The following TFAM variants were observed in gnomAD, a reference collection of about 807,000 sequenced individuals.
TFAM encodes mitochondrial transcription factor 1.
Under a neutral mutation model 30.6 loss-of-function variants are expected in TFAM, and 13 were observed. The observed-to-expected ratio is 0.42, with a 90% CI of 0.28 to 0.67. The LOEUF (loss-of-function observed/expected upper bound fraction) is 0.67. Ranked by LOEUF, TFAM falls within the 30% of genes least tolerant of loss-of-function variation. The pLI, the probability that TFAM is intolerant of heterozygous loss-of-function variation, is 0.21. For synonymous variants in TFAM, 106 were observed against 94.8 expected, an observed-to-expected ratio of 1.12 and a Z score of -0.69; for missense variants, 231 against 293.7, an observed-to-expected ratio of 0.79 and a Z score of 1.56.
chr10:58,388,359 A>C (rs1000756200), intron 3 of TFAM, 99 bp downstream of exon 3: 3 of 1,031,598 alleles, frequency 2.9e-6, no homozygotes, highest in Non-Finnish European at 3.0e-6. Context: ...CTTTTTAAAA[A>C]ATAATCTGTT....
At position 58,385,434 on chromosome 10, in the gene TFAM, T is replaced by C. The variant is rs1023140186; in HGVS notation, c.-114T>C. ...CATAGTGCCTCGCTAGTGGCGGGCATGATAACACACGCCGGAGGGTCGCAC... is the reference window on the plus strand; with the variant it reads ...CATAGTGCCTCGCTAGTGGCGGGCACGATAACACACGCCGGAGGGTCGCAC... On this transcript the variant is annotated 5_prime_UTR_variant, in exon 1 of 7. The change abolishes an upstream ATG in the 5' untranslated region. Transcript: ENST00000487519. 6.5e-6 allele frequency: 5 copies of C among 766,940 alleles called. No individual in the cohort carries two copies. Among genetic ancestry groups the C allele is most frequent in the African/African-American group, 5.1e-5 (3 of 58,652 alleles). The allele number at this position is 766,940 out of a possible 1,614,324, so 47.5% of individuals were successfully genotyped here.
intron 5 of TFAM, among the ~76,000 whole-genome samples, chr10:58,392,502 TTTTTG>T (rs934638828): frequency 1.3e-5 from 2 of 152,206 alleles, no homozygotes; most frequent in East Asian, 1.9e-4. Context: ...CTTTCCTTTT[TTTTTG>T]TTTTGTTTTG....
In TFAM at chr10:58,397,508, C is replaced by T. The variant is rs1422297561; in HGVS notation, c.*2434C>T. On this transcript the variant is annotated 3_prime_UTR_variant, in exon 7 of 7. Coordinates refer to ENST00000487519, the MANE Select transcript of TFAM (RefSeq NM_003201.3). The stretch of plus-strand genomic sequence containing the variant: ...TGGTAGTATCAGCTTGTATTTGGTT[C>T]TCTGTTTCTAAAATAATGTAATTTT... 6.6e-6 allele frequency: 1 copy of T among 152,000 alleles called. No homozygotes were observed. Among genetic ancestry groups the T allele is most frequent in the Non-Finnish European group, 1.5e-5 (1 of 68,010 alleles). 9.4% of individuals were successfully genotyped at this position (152,000 alleles called of 1,614,324 possible). A position where few individuals can be genotyped will look rare whatever the true frequency, so the allele number is the denominator to read the frequency against.
chr10:58,391,271 T>A (rs948628054), intron 5 of TFAM, among the ~76,000 whole-genome samples: 6 of 152,150 alleles, frequency 3.9e-5, no homozygotes, highest in African/African-American at 1.4e-4. Context: ...GTTATACCCA[T>A]AGGGATGTGT....
chr10:58,385,694 TC>T (rs1840472983), intron 1 of TFAM, 46 bp downstream of exon 1: 1 of 1,433,070 alleles, frequency 7.0e-7, no homozygotes, highest in African/African-American at 1.4e-5. Flanking sequence ...GCCCAGGACG[TC>T]CCGGGGTTGG....
At chr10:58,385,861 C>T (rs1840477584) in intron 1 of TFAM, among the ~76,000 whole-genome samples, 1 of 152,200 alleles carries the variant, frequency 6.6e-6, no homozygotes, top group African/African-American at 2.4e-5. Flanking sequence ...CTACCCTCCA[C>T]TCGCTTCTCC....
rs1344067497 is a variant in TFAM, at chr10:58,394,942, T to C, written c.609T>C (p.His203=). ...CTTTTTCTCAGTTATATATTCAGCA[T>C]GCTAAAGAGGACGAAACTCGTTATC... ...SDSEKELYIQ[H]AKEDETRYHN... The change falls in exon 7 of 7, where the codon CAT becomes CAC. Residue 203 remains histidine (H), a synonymous_variant. Coordinates refer to ENST00000487519, the MANE Select transcript of TFAM (RefSeq NM_003201.3). 1 of 1,613,342 alleles carries C rather than the reference T, an allele frequency of 6.2e-7. No individual in the cohort carries two copies. The highest frequency in any genetic ancestry group is 1.3e-5 in the African/African-American group (1 of 74,926).
intron 3 of TFAM, 74 bp downstream of exon 3, chr10:58,388,334 AC>A: frequency 1.6e-6 from 2 of 1,253,812 alleles, no homozygotes; most frequent in Non-Finnish European, 2.3e-6. Flanking sequence ...CCTTTAAAGG[AC>A]CAGATGGATC....
chr10:58,390,878 T>C lies in TFAM; in HGVS notation c.537+18T>C. The stretch of plus-strand genomic sequence containing the variant: ...CACCGCAGGTAAAGCTGAAATATAT[T>C]TTTGTTTAATTTTTAAAATATTTAG... On this transcript the variant is annotated intron_variant, in intron 5 of 6. Coordinates refer to ENST00000487519, the MANE Select transcript of TFAM (RefSeq NM_003201.3). The C allele has an allele frequency of 6.3e-7, 1 of 1,600,000 alleles. No homozygotes were observed. Among genetic ancestry groups the C allele is most frequent in the Non-Finnish European group, 8.5e-7 (1 of 1,171,088 alleles).
In TFAM at chr10:58,395,453, T is replaced by C. The variant is rs1840665243; in HGVS notation, c.*379T>C. 3.3e-6 allele frequency: 1 copy of C among 299,078 alleles called. No homozygotes were observed. Among genetic ancestry groups the C allele is most frequent in the Non-Finnish European group, 6.3e-6 (1 of 159,758 alleles). The allele number at this position is 299,078 out of a possible 1,614,324, so 18.5% of individuals were successfully genotyped here. A position where few individuals can be genotyped will look rare whatever the true frequency, so the allele number is the denominator to read the frequency against. On this transcript the variant is annotated 3_prime_UTR_variant, in exon 7 of 7. Transcript: ENST00000487519. ...TTTCGTTTTCAAAATTGTTACAAAT[T>C]GTAGAAGCCACGGTGTTCTGTGATA... is the stretch of plus-strand genomic sequence containing the variant.
In TFAM at chr10:58,385,585, C is replaced by A; in HGVS notation, c.38C>A (p.Ala13Asp). ...CGAAGCATGTGGGGCGTGCTGAGTG[C>A]CCTGGGAAGGTCTGGAGCAGAGCTG... ...FLRSMWGVLS[A>D]LGRSGAELCT... Residue 13 changes from alanine to aspartate, a missense_variant, in exon 1 of 7, where the codon GCC becomes GAC. Coordinates refer to ENST00000487519, the MANE Select transcript of TFAM (RefSeq NM_003201.3). The A allele has an allele frequency of 6.4e-7, 1 of 1,571,300 alleles. No homozygotes were observed. Among genetic ancestry groups the A allele is most frequent in the Non-Finnish European group, 8.6e-7 (1 of 1,157,760 alleles).
chr10:58,391,481 C>T (rs948016791), intron 5 of TFAM, among the ~76,000 whole-genome samples: 12 of 152,116 alleles, frequency 7.9e-5, no homozygotes, highest in African/African-American at 2.7e-4. Flanking sequence ...AAGTTTTTGG[C>T]ACTCTGCCTA....
At chr10:58,390,092 A>G (rs12265351) in intron 4 of TFAM, among the ~76,000 whole-genome samples, 265 of 152,344 alleles carry the variant, frequency 1.7e-3, no homozygotes, top group African/African-American at 6.1e-3. Flanking sequence ...ACAGTTATGA[A>G]TAAAAGTTGA....
Position 58,385,657 on chromosome 10 carries a change from G to A in TFAM, c.101+9G>A, listed in dbSNP as rs1185680048. The A allele has an allele frequency of 1.3e-6, 2 of 1,550,530 alleles. No homozygotes were observed. Among genetic ancestry groups the A allele is most frequent in the Admixed American group, 3.9e-5 (2 of 51,216 alleles). ...CTGCGCTCCCCCTTCAGGTAGGCCC[G>A]CTTGCCTGTGCCCTAGGGGCAGCAG... On this transcript the variant is annotated intron_variant, in intron 1 of 6. Transcript: ENST00000487519.
rs1461997158 is a variant in TFAM at position 58,397,065 on chromosome 10, C to G, written c.*1991C>G. On this transcript the variant is annotated 3_prime_UTR_variant, in exon 7 of 7. Coordinates refer to ENST00000487519, the MANE Select transcript of TFAM (RefSeq NM_003201.3). ...AATTAGGTTTGCAGGAGAAAAAGCCCTAAGTCCCTGTGTCATCTAGAATGG... is the reference window on the plus strand; with the variant it reads ...AATTAGGTTTGCAGGAGAAAAAGCCGTAAGTCCCTGTGTCATCTAGAATGG... 8 of 151,936 alleles carry G rather than the reference C, an allele frequency of 5.3e-5. No individual in the cohort carries two copies. Among genetic ancestry groups the G allele is most frequent in the African/African-American group, 1.9e-4 (8 of 41,342 alleles). 9.4% of individuals were successfully genotyped at this position (151,936 alleles called of 1,614,324 possible). A position where few individuals can be genotyped will look rare whatever the true frequency, so the allele number is the denominator to read the frequency against.
chr10:58,387,972 CTG>C (rs1184439328), intron 2 of TFAM, among the ~76,000 whole-genome samples: 3 of 151,736 alleles, frequency 2.0e-5, no homozygotes, highest in Non-Finnish European at 1.5e-5. Context: ...AAACTGTTGA[CTG>C]TTTCTGGTGG....
chr10:58,396,215 G>A lies in TFAM; in HGVS notation c.*1141G>A, dbSNP rs982608174. Reference sequence around the variant, plus strand: ...TGCCACAGAAACTATAGCCCACAAAGCCTGATATTTACTGTCTGTCTGTTT... The same window carrying A: ...TGCCACAGAAACTATAGCCCACAAAACCTGATATTTACTGTCTGTCTGTTT... On this transcript the variant is annotated 3_prime_UTR_variant, in exon 7 of 7. Transcript: ENST00000487519. The A allele has an allele frequency of 6.6e-6, 1 of 151,996 alleles. No homozygotes were observed. The highest frequency in any genetic ancestry group is 6.6e-5 in the Admixed American group (1 of 15,266). The allele number at this position is 151,996 out of a possible 1,614,324, so 9.4% of individuals were successfully genotyped here.
At chr10:58,392,738 T>C (rs986354608) in intron 5 of TFAM, among the ~76,000 whole-genome samples, 1 of 150,536 alleles carries the variant, frequency 6.6e-6, no homozygotes, top group Admixed American at 6.6e-5. Context: ...GCGGTGGCAC[T>C]ATCTCAGCTC....
chr10:58,390,001 GT>G (rs1435102221), intron 4 of TFAM, among the ~76,000 whole-genome samples: 1 of 152,194 alleles, frequency 6.6e-6, no homozygotes, highest in Non-Finnish European at 1.5e-5. Flanking sequence ...AAGTTGTAAA[GT>G]GCTTGGAGTC....
Sources: allele counts gnomAD v4.1 joint callset (sites outside exome capture counted in the v4.1 genomes callset), GRCh38; gene constraint gnomAD v4.1.1; transcripts MANE v1.5; gene names NCBI Gene and HGNC (gene_info 2026-07-23, HGNC 2026-07-21).